Variants in NRDC observed in about 807,000 individuals in gnomAD.
The protein encoded by NRDC is nardilysin.
NRDC carries 54 observed loss-of-function variants against 147.1 expected under a neutral mutation model. The observed-to-expected ratio is 0.37, with a 90% CI of 0.29 to 0.46. The LOEUF is 0.46. NRDC is among the 20% of genes least tolerant of loss of function. The probability of loss-of-function intolerance (pLI) is 1.00; values close to 1 mark genes in which losing one functional copy is unlikely to be tolerated. For synonymous variants in NRDC, 440 were observed against 482.1 expected (o/e 0.91, Z 1.14); for missense variants, 1,082 against 1,370.6 (o/e 0.79, Z 3.33).
chr1:51,824,025 C>G (rs933338837), intron 6 of NRDC, among the ~76,000 whole-genome samples: 1 of 151,760 alleles, frequency 6.6e-6, no homozygotes, highest in East Asian at 1.9e-4. Flanking sequence ...CTTAAAAAAA[C>G]AGACAATAAC....
chr1:51,864,273 A>G (rs1367859323), intron 1 of NRDC, among the ~76,000 whole-genome samples: 1 of 152,228 alleles, frequency 6.6e-6, no homozygotes, highest in African/African-American at 2.4e-5. Flanking sequence ...AGACATTTTC[A>G]AAGATAAGGT....
chr1:51,826,321 AT>A (rs1254307748), intron 5 of NRDC, among the ~76,000 whole-genome samples: 12 of 152,350 alleles, frequency 7.9e-5, no homozygotes, highest in African/African-American at 2.6e-4. Flanking sequence ...TGTTTCTGCA[AT>A]AACAGGTAAT....
intron 22 of NRDC, among the ~76,000 whole-genome samples, chr1:51,797,552 A>G (rs916385619): frequency 6.6e-6 from 1 of 152,166 alleles, no homozygotes; most frequent in Admixed American, 6.5e-5. Flanking sequence ...GGCTTGACAT[A>G]CTAGTTCTGG....
chr1:51,791,797 G>A, intron 26 of NRDC, 136 bp from the exon 27 acceptor site: 1 of 750,642 alleles, frequency 1.3e-6, no homozygotes, highest in Non-Finnish European at 2.2e-6. Flanking sequence ...ACCCAAAAAT[G>A]TTAAGGTGTC....
intron 1 of NRDC, among the ~76,000 whole-genome samples, chr1:51,855,073 A>G (rs1053045727): frequency 6.6e-6 from 1 of 152,228 alleles, no homozygotes; most frequent in Non-Finnish European, 1.5e-5. Context: ...AAATCAGAAA[A>G]TCTTCTACTG....
At chr1:51,850,851 CCTTG>C (rs1335334724) in intron 1 of NRDC, among the ~76,000 whole-genome samples, 1 of 152,182 alleles carries the variant, frequency 6.6e-6, no homozygotes, top group Non-Finnish European at 1.5e-5. Context: ...ACCTGGTCCT[CCTTG>C]CTTGACACCC....
intron 1 of NRDC, among the ~76,000 whole-genome samples, chr1:51,870,607 G>GA (rs547296304): frequency 3.9e-5 from 6 of 152,042 alleles, no homozygotes; most frequent in African/African-American, 1.4e-4. Context: ...AATAAGAGGG[G>GA]AAAGTCACCC....
chr1:51,790,449 A>G (rs750479521), intron 29 of NRDC, 84 bp downstream of exon 29: 12 of 836,136 alleles, frequency 1.4e-5, no homozygotes, highest in East Asian at 7.3e-5. Flanking sequence ...CTTCCACACA[A>G]TGCTGGTGTG....
chr1:51,865,280 G>T (rs1333907882), intron 1 of NRDC, among the ~76,000 whole-genome samples: 2 of 150,702 alleles, frequency 1.3e-5, no homozygotes, highest in African/African-American at 2.4e-5. Context: ...GTAATAAGGG[G>T]AAATACAAAT....
chr1:51,818,066 C>A lies in NRDC; in HGVS notation c.1361G>T (p.Arg454Met). The A allele has an allele frequency of 6.2e-7, 1 of 1,604,770 alleles. No individual in the cohort carries two copies. Among genetic ancestry groups the A allele is most frequent in the South Asian group, 1.1e-5 (1 of 89,486 alleles). The change falls in exon 10 of 31, where the codon AGG (arginine) becomes ATG (methionine). Residue 454 changes from arginine to methionine, a missense_variant and splice_region_variant. Physicochemically the swap from Arg to Met is moderately conservative, Grantham distance 91 (BLOSUM62 -1). This residue lies in a region of NRDC where 635 missense variants were observed against 923.8 expected (regional missense o/e 0.69). Transcript: ENST00000352171. ...WALPPQQQHYRVKPLHYISWL... is the reference protein window; with the variant it reads ...WALPPQQQHYMVKPLHYISWL... ...AGTAAATTTTCCCTTAAACTCTTAC[C>A]TGTAATGTTGCTGTTGAGGAGGAAG...
intron 21 of NRDC, 149 bp from the exon 22 acceptor site, chr1:51,798,560 A>AAGC: frequency 1.6e-6 from 1 of 634,794 alleles, no homozygotes; most frequent in South Asian, 2.6e-5. Flanking sequence ...AAACAGTATC[A>AAGC]GATTAACCAA....
chr1:51,849,218 C>T (rs1412441861), intron 1 of NRDC, among the ~76,000 whole-genome samples: 1 of 151,782 alleles, frequency 6.6e-6, no homozygotes, highest in Non-Finnish European at 1.5e-5. Context: ...AACCCCGTCT[C>T]TACTAAAAAT....
chr1:51,798,400 A>G lies in NRDC; in HGVS notation c.2453T>C (p.Leu818Pro). The change falls in exon 22 of 31, where the codon CTT becomes CCT. Residue 818 changes from leucine to proline, a missense_variant. This residue lies in a region of NRDC where 635 missense variants were observed against 923.8 expected (regional missense o/e 0.69). Coordinates refer to ENST00000352171, the MANE Select transcript of NRDC (RefSeq NM_001101662.2). ...CCAACGGGCATATTCCAAGATTAAA[A>G]GCCGTACATCTCTGTACAGAGGGCA... ...KPETLAKDVR[L>P]LILEYARWSM... The G allele has an allele frequency of 6.2e-7, 1 of 1,613,942 alleles. No individual in the cohort carries two copies. The highest frequency in any genetic ancestry group is 1.1e-5 in the South Asian group (1 of 91,086).
At chr1:51,846,659 G>C (rs35549138) in intron 1 of NRDC, among the ~76,000 whole-genome samples, 2 of 152,184 alleles carry the variant, frequency 1.3e-5, no homozygotes, top group African/African-American at 2.4e-5. Flanking sequence ...GAGTGTTATA[G>C]CTCATAAAGG....
intron 1 of NRDC, among the ~76,000 whole-genome samples, chr1:51,863,656 A>G (rs1352210786): frequency 6.6e-6 from 1 of 152,208 alleles, no homozygotes; most frequent in Non-Finnish European, 1.5e-5. Flanking sequence ...AGAAACTTCC[A>G]TATTTCAAAG....
chr1:51,871,029 A>G (rs1399067064), intron 1 of NRDC, among the ~76,000 whole-genome samples: 3 of 151,316 alleles, frequency 2.0e-5, no homozygotes, highest in Admixed American at 2.0e-4. Flanking sequence ...AAAATTTCTC[A>G]CTCTTGGCCG....
At chr1:51,813,472 T>C (rs552638076) in intron 14 of NRDC, among the ~76,000 whole-genome samples, 1 of 152,182 alleles carries the variant, frequency 6.6e-6, no homozygotes, top group Non-Finnish European at 1.5e-5. Context: ...CCTCATAACA[T>C]ATCCCATACG....
chr1:51,817,966 T>C (rs1680048838), intron 10 of NRDC, 100 bp downstream of exon 10: 1 of 810,970 alleles, frequency 1.2e-6, no homozygotes, highest in Non-Finnish European at 2.0e-6. Flanking sequence ...CGTATTGCTA[T>C]GTTTATAAAT....
intron 20 of NRDC, among the ~76,000 whole-genome samples, chr1:51,801,485 A>G (rs1679194567): frequency 6.6e-6 from 1 of 151,596 alleles, no homozygotes. Context: ...TACTGGTACT[A>G]TGGGGGAGAA....
Sources: gnomAD v4.1 joint callset for allele counts (sites outside exome capture counted in the v4.1 genomes callset) on GRCh38, gnomAD v4.1.1 for gene constraint, gnomAD v4.1.1 regional missense constraint, MANE v1.5 for transcripts, NCBI Gene and HGNC (gene_info 2026-07-23, HGNC 2026-07-21) for gene names.